SHCBP1L: variants seen among roughly 807,000 people sequenced by gnomAD.
SHCBP1L encodes the protein SHC binding and spindle associated 1 like, also known as testicular spindle-associated protein SHCBP1L.
A neutral mutation model predicts 62.5 loss-of-function variants in SHCBP1L; 67 were observed. That is an observed-to-expected ratio of 1.07 (90% confidence interval 0.88 to 1.31). SHCBP1L has a LOEUF of 1.31. Ranked by LOEUF, SHCBP1L falls within the 40% of genes most tolerant of loss-of-function variation. The probability of loss-of-function intolerance (pLI) is 0.00; values close to 1 mark genes in which losing one functional copy is unlikely to be tolerated. For synonymous variants in SHCBP1L, 284 were observed against 289.4 expected (o/e 0.98, Z 0.19); for missense variants, 823 against 809.8 (o/e 1.02, Z -0.20).
chr1:182,930,382 A>G (rs1177903203), intron 5 of SHCBP1L, among the ~76,000 whole-genome samples: 1 of 151,482 alleles, frequency 6.6e-6, no homozygotes, highest in Non-Finnish European at 1.5e-5. Context: ...AAAGTCAGAT[A>G]AAAAGTTTCA....
chr1:182,927,671 CAAAA>C (rs1049517840), intron 6 of SHCBP1L, among the ~76,000 whole-genome samples: 2 of 72,818 alleles, frequency 2.7e-5, no homozygotes, highest in Non-Finnish European at 3.2e-5. Context: ...GACTCCGTCT[CAAAA>C]AAAAAAAAAA....
intron 2 of SHCBP1L, among the ~76,000 whole-genome samples, chr1:182,949,485 T>C (rs769243463): frequency 5.3e-5 from 8 of 151,938 alleles, no homozygotes; most frequent in Non-Finnish European, 1.2e-4. Flanking sequence ...TCACTTGAGG[T>C]CGGGGGTTCG....
chr1:182,905,680 A>G (rs1410495652), intron 6 of SHCBP1L, 31 bp from the exon 7 acceptor site: 2 of 1,598,610 alleles, frequency 1.3e-6, no homozygotes, highest in South Asian at 2.3e-5. Context: ...TGCGCTTTCA[A>G]TAATAGGTTA....
intron 1 of SHCBP1L, chr1:182,952,523 C>T (rs1220738064): frequency 9.1e-6 from 5 of 551,538 alleles, no homozygotes; most frequent in African/African-American, 8.0e-5. Flanking sequence ...TTGTCGGAAA[C>T]TCGAACCTTA....
At chr1:182,921,907 C>T (rs993773250) in intron 6 of SHCBP1L, among the ~76,000 whole-genome samples, 21 of 151,984 alleles carry the variant, frequency 1.4e-4, no homozygotes, top group African/African-American at 5.1e-4. Flanking sequence ...AAATCCATTT[C>T]ACATGCAATG....
intron 2 of SHCBP1L, among the ~76,000 whole-genome samples, chr1:182,949,326 A>G (rs557782422): frequency 2.3e-4 from 35 of 152,156 alleles, no homozygotes; most frequent in Middle Eastern, 3.4e-3. Context: ...TTTTATCCAG[A>G]TGAAAAAAAT....
intron 6 of SHCBP1L, among the ~76,000 whole-genome samples, chr1:182,912,088 C>T (rs1650206342): frequency 6.6e-6 from 1 of 152,150 alleles, no homozygotes; most frequent in Non-Finnish European, 1.5e-5. Context: ...TTCACCTGCC[C>T]CAGGGCAGGA....
At chr1:182,934,798 A>G (rs544798921) in intron 5 of SHCBP1L, among the ~76,000 whole-genome samples, 1 of 152,222 alleles carries the variant, frequency 6.6e-6, no homozygotes, top group Non-Finnish European at 1.5e-5. Context: ...TATAGTTTTG[A>G]GTTTTATGTT....
intron 2 of SHCBP1L, 54 bp from the exon 3 acceptor site, chr1:182,940,597 G>A (rs1279026077): frequency 3.6e-5 from 52 of 1,463,454 alleles, no homozygotes; most frequent in South Asian, 3.1e-4. Flanking sequence ...TCAGTAAACC[G>A]CAGGATTTCT....
At chr1:182,924,935 G>GAAGAAAGAAAGA (rs71127327) in intron 6 of SHCBP1L, among the ~76,000 whole-genome samples, 7,158 of 62,236 alleles carry the variant, frequency 0.12, 599 homozygotes, top group East Asian at 0.14. Flanking sequence ...AGGAAGGAAG[G>GAAGAAAGAAAGA]AAGAAAGAAA....
intron 7 of SHCBP1L, 144 bp from the exon 8 acceptor site, chr1:182,904,574 T>TGC (rs746471036): frequency 8.1e-6 from 6 of 740,554 alleles, no homozygotes; most frequent in African/African-American, 7.3e-5. Flanking sequence ...TGTGTGTGTG[T>TGC]GTGCGCATGC....
intron 1 of SHCBP1L, 112 bp from the exon 2 acceptor site, chr1:182,951,579 C>T: frequency 2.9e-6 from 2 of 678,130 alleles, no homozygotes; most frequent in East Asian, 3.2e-5. Context: ...CCAATATAGC[C>T]TTAAATAATG....
intron 2 of SHCBP1L, chr1:182,942,297 G>T: frequency 2.0e-6 from 2 of 982,540 alleles, no homozygotes; most frequent in South Asian, 2.5e-5. Context: ...GCCTTTTTCG[G>T]CTTCGCTTCC....
intron 2 of SHCBP1L, among the ~76,000 whole-genome samples, chr1:182,945,940 G>T (rs1371462034): frequency 6.6e-6 from 1 of 151,850 alleles, no homozygotes; most frequent in Admixed American, 6.6e-5. Flanking sequence ...CATGCCTGCA[G>T]TCTCAGCTAC....
chr1:182,934,896 C>G (rs887997138), intron 5 of SHCBP1L, among the ~76,000 whole-genome samples: 3 of 152,114 alleles, frequency 2.0e-5, no homozygotes, highest in Admixed American at 6.5e-5. Context: ...ATTATTCCAG[C>G]ACCATTTGTT....
At chr1:182,921,527 G>A (rs1288736491) in intron 6 of SHCBP1L, among the ~76,000 whole-genome samples, 1 of 152,146 alleles carries the variant, frequency 6.6e-6, no homozygotes, top group Admixed American at 6.6e-5. Context: ...AACCTTGAAA[G>A]TAAATGGGTT....
At chr1:182,909,389 T>TAGCAACCTAGAAC (rs1650109978) in intron 6 of SHCBP1L, among the ~76,000 whole-genome samples, 1 of 152,120 alleles carries the variant, frequency 6.6e-6, no homozygotes, top group Non-Finnish European at 1.5e-5. Flanking sequence ...GAGGGAAAGA[T>TAGCAACCTAGAAC]AGCAACCTAG....
At chr1:182,931,286 C>T (rs1334650861) in intron 5 of SHCBP1L, among the ~76,000 whole-genome samples, 1 of 151,834 alleles carries the variant, frequency 6.6e-6, no homozygotes, top group African/African-American at 2.4e-5. Flanking sequence ...TTAGCTGCTC[C>T]AAAAGTAAGA....
intron 6 of SHCBP1L, among the ~76,000 whole-genome samples, chr1:182,914,476 A>T (rs978768130): frequency 6.6e-6 from 1 of 152,252 alleles, no homozygotes; most frequent in Non-Finnish European, 1.5e-5. Context: ...ATGTATAAAG[A>T]TGTAATTTGT....
Sources: gnomAD v4.1 joint callset for allele counts (sites outside exome capture counted in the v4.1 genomes callset) on GRCh38, gnomAD v4.1.1 for gene constraint, MANE v1.5 for transcripts, NCBI Gene and HGNC (gene_info 2026-07-23, HGNC 2026-07-21) for gene names.